The following LIMS2 variants were observed in gnomAD, a reference collection of about 807,000 sequenced individuals.
The protein encoded by LIMS2 is LIM and senescent cell antigen-like-containing domain protein 2.
LIMS2 carries 30 observed loss-of-function variants against 45.3 expected under a neutral mutation model. That is an observed-to-expected ratio of 0.66 (90% CI 0.50 to 0.90). The LOEUF is 0.90. Among genes scored for constraint, LIMS2 ranks in the 40% least tolerant of loss-of-function variants. The pLI, the probability that LIMS2 is intolerant of heterozygous loss-of-function variation, is 0.00. For missense variants in LIMS2, 485 were observed against 468.7 expected (o/e 1.03, Z -0.32); for synonymous variants, 173 against 188.0 (o/e 0.92, Z 0.65).
At chr2:127,678,682 G>A (rs187895740), upstream of LIMS2, among the ~76,000 whole-genome samples, 246 of 152,268 alleles carry the variant, frequency 1.6e-3, no homozygotes, top group African/African-American at 5.7e-3. The surrounding 1 kb of genome is among the most constrained non-coding windows in gnomAD (Gnocchi z 5.3). Flanking sequence ...TGTGGGGCAG[G>A]TGTGTGTGTG....
chr2:127,679,563 G>A (rs1685571623), upstream of LIMS2, among the ~76,000 whole-genome samples: 1 of 152,024 alleles, frequency 6.6e-6, no homozygotes, highest in African/African-American at 2.4e-5. The surrounding 1 kb of genome is among the most constrained non-coding windows in gnomAD (Gnocchi z 5.3). Context: ...GGGGTTCAGG[G>A]CAGGTGGGCA....
rs1386736264 is a variant in LIMS2, at chr2:127,638,531, C to G, written c.*750G>C. The stretch of plus-strand genomic sequence containing the variant: ...CTCCCTGGAGGTGGGAACAAGTCAC[C>G]TCTGACCACACCTCCTCTGACGCCA... On this transcript the variant is annotated 3_prime_UTR_variant, in exon 10 of 10. Coordinates refer to ENST00000355119, the MANE Select transcript of LIMS2 (RefSeq NM_001161403.3). 6.5e-6 allele frequency: 1 copy of G among 152,788 alleles called. No homozygotes were observed. The highest frequency in any genetic ancestry group is 1.5e-5 in the Non-Finnish European group (1 of 68,246). 9.5% of individuals were successfully genotyped at this position (152,788 alleles called of 1,614,324 possible). A position where few individuals can be genotyped will look rare whatever the true frequency, so the allele number is the denominator to read the frequency against.
chr2:127,640,286 A>T lies in LIMS2; in HGVS notation c.786T>A (p.His262Gln), dbSNP rs1490458058. The change falls in exon 8 of 10, where the codon CAT (histidine) becomes CAA (glutamine). Residue 262 changes from histidine to glutamine, a missense_variant. By Grantham distance (24) the His-to-Gln change is conservative (BLOSUM62 0). Transcript: ENST00000355119. ...LFGDVCYNCS[H>Q]VIEGDVVSAL... ...GGGCCTCACCATCGCCTTCAATCACATGGCTGCAGTTGTAGCAGACGTCCC... is the reference window on the plus strand; with the variant it reads ...GGGCCTCACCATCGCCTTCAATCACTTGGCTGCAGTTGTAGCAGACGTCCC... The T allele has an allele frequency of 6.2e-7, 1 of 1,613,258 alleles. No homozygotes were observed. Among genetic ancestry groups the T allele is most frequent in the Non-Finnish European group, 8.5e-7 (1 of 1,179,962 alleles).
chr2:127,639,998 G>T, intron 9 of LIMS2, 72 bp downstream of exon 9: 1 of 1,471,214 alleles, frequency 6.8e-7, no homozygotes, highest in Non-Finnish European at 9.5e-7. Context: ...GTGTGCAGGA[G>T]GGCTGCTGAG....
At chr2:127,657,635 G>A (rs1311211926) in intron 1 of LIMS2, 73 bp from the exon 2 acceptor site, 12 of 1,430,392 alleles carry the variant, frequency 8.4e-6, no homozygotes, top group African/African-American at 7.1e-5. Context: ...GGGGGCCTGC[G>A]CCCGACAGAC....
chr2:127,679,298 G>A (rs143908077), upstream of LIMS2, among the ~76,000 whole-genome samples: 8 of 152,152 alleles, frequency 5.3e-5, no homozygotes, highest in South Asian at 2.1e-4. This position sits in a 1 kb window ranked among gnomAD's most constrained non-coding sequence, Gnocchi z 5.3. Flanking sequence ...GCTCTGAAAG[G>A]GGGGGCAGAG....
intron 4 of LIMS2, chr2:127,648,254 G>C: frequency 1.1e-6 from 1 of 942,374 alleles, no homozygotes. Flanking sequence ...CAGGCATCTT[G>C]AAACACTCTG....
upstream of LIMS2, among the ~76,000 whole-genome samples, chr2:127,676,343 A>ATT (rs1685499610): frequency 1.3e-5 from 2 of 152,126 alleles, no homozygotes; most frequent in African/African-American, 2.4e-5. Flanking sequence ...ACCTGCAGAA[A>ATT]TAAGCTGGGA....
intron 6 of LIMS2, 107 bp from the exon 7 acceptor site, chr2:127,641,095 G>T: frequency 1.2e-6 from 1 of 828,494 alleles, no homozygotes; most frequent in East Asian, 2.5e-5. Flanking sequence ...GTGACTCCAG[G>T]GGACCACAGT....
In LIMS2 at chr2:127,642,933, T is replaced by C. The variant is rs768339460; in HGVS notation, c.499A>G (p.Thr167Ala). ...DAYHPDHFNC[T>A]HCGKELTAEA... Reference sequence around the variant, plus strand: ...GGGCTGCGCACCTACCCACAGTGGGTGCAGTTGAAGTGGTCAGGGTGGTAG... The same window carrying C: ...GGGCTGCGCACCTACCCACAGTGGGCGCAGTTGAAGTGGTCAGGGTGGTAG... Residue 167 changes from threonine to alanine, a missense_variant, in exon 5 of 10, where the codon ACC becomes GCC. Physicochemically the swap from Thr to Ala is moderately conservative, Grantham distance 58 (BLOSUM62 0). Coordinates refer to ENST00000355119, the MANE Select transcript of LIMS2 (RefSeq NM_001161403.3). This position sits in a 1 kb window ranked among gnomAD's most constrained non-coding sequence, Gnocchi z 5.3. 2 of 1,562,574 alleles carry C rather than the reference T, an allele frequency of 1.3e-6. No individual in the cohort carries two copies. The highest frequency in any genetic ancestry group is 1.9e-5 in the Admixed American group (1 of 52,404).
At position 127,649,091 on chromosome 2, in the gene LIMS2, G is replaced by GAAAAAAAC. The variant is rs752842992; in HGVS notation, c.359+5332_359+5333insGTTTTTTT. Among the ~76,000 whole-genome samples the GAAAAAAAC allele has an allele frequency of 9.0e-5, 12 of 133,642 alleles. No homozygotes were observed. The East Asian group carries it at 2.6e-3, about 28-fold the overall frequency. 87.7% of individuals were successfully genotyped at this position (133,642 alleles called of 152,430 possible). A position where few individuals can be genotyped will look rare whatever the true frequency, so the allele number is the denominator to read the frequency against. On this transcript the variant is annotated intron_variant, in intron 4 of 9. Coordinates refer to ENST00000355119, the MANE Select transcript of LIMS2 (RefSeq NM_001161403.3). The stretch of plus-strand genomic sequence containing the variant: ...AGGAAGGAAAAAGAAAAGAAAAAAA[G>GAAAAAAAC]AAAAAAGAAAAGAAAAAAGGAAAAT...
At chr2:127,670,629 G>T (rs960086258) in intron 1 of LIMS2, among the ~76,000 whole-genome samples, 3 of 152,228 alleles carry the variant, frequency 2.0e-5, no homozygotes, top group Admixed American at 2.0e-4. Flanking sequence ...AATAATATGT[G>T]AACTATGTCT....
At chr2:127,651,618 A>G (rs767378263) in intron 4 of LIMS2, 1 of 1,613,598 alleles carries the variant, frequency 6.2e-7, no homozygotes, top group Admixed American at 1.7e-5. Context: ...ACTCGACCCC[A>G]TCATGTATTT....
At chr2:127,650,449 C>T in intron 4 of LIMS2, 3 of 549,790 alleles carry the variant, frequency 5.5e-6, no homozygotes, top group Non-Finnish European at 9.7e-6. Context: ...TGAGGAGCCT[C>T]AGATCTCCTG....
chr2:127,649,005 G>GGGGAGGGAGGGGAGGGGAA (rs1311317437), intron 4 of LIMS2, among the ~76,000 whole-genome samples: 51 of 19,608 alleles, frequency 2.6e-3, no homozygotes, highest in South Asian at 4.4e-3. Flanking sequence ...GGGGAGGGGA[G>GGGGAGGGAGGGGAGGGGAA]GAAGGGGAGG....
rs1474487102 is a variant in LIMS2 at position 127,671,482 on chromosome 2, C to G, written c.11+3532G>C. On this transcript the variant is annotated intron_variant, in intron 1 of 9. Transcript: ENST00000355119. This position sits in a 1 kb window ranked among gnomAD's most constrained non-coding sequence, Gnocchi z 4.1. ...GCGGCACAGCACAGATAGGGACAGA[C>G]AGAAGAAGGATAACCCGCTGTGGAT... is the stretch of plus-strand genomic sequence containing the variant. Among the ~76,000 whole-genome samples, 4 of 151,812 alleles carry G rather than the reference C, an allele frequency of 2.6e-5. No individual in the cohort carries two copies. Among genetic ancestry groups the G allele is most frequent in the African/African-American group, 4.8e-5 (2 of 41,342 alleles).
chr2:127,671,839 C>T lies in LIMS2; in HGVS notation c.11+3175G>A, dbSNP rs1685283469. ...CATCACAAGCCACATCACTTGTTAC[C>T]CACTTTACAGTTTGCTTAAGCCCCT... On this transcript the variant is annotated intron_variant, in intron 1 of 9. Transcript: ENST00000355119. The surrounding 1 kb of genome is among the most constrained non-coding windows in gnomAD (Gnocchi z 4.1). Among the ~76,000 whole-genome samples the T allele has an allele frequency of 6.6e-6, 1 of 152,216 alleles. No individual in the cohort carries two copies. The highest frequency in any genetic ancestry group is 1.5e-5 in the Non-Finnish European group (1 of 68,040).
chr2:127,640,237 AGGTGG>A, intron 8 of LIMS2, 28 bp downstream of exon 8: 1 of 1,612,548 alleles, frequency 6.2e-7, no homozygotes, highest in Non-Finnish European at 8.5e-7. Flanking sequence ...CCAGGAGAGC[AGGTGG>A]GGTGGGGGAG....
chr2:127,680,193 C>G (rs767181587), upstream of LIMS2, among the ~76,000 whole-genome samples: 1 of 152,232 alleles, frequency 6.6e-6, no homozygotes, highest in African/African-American at 2.4e-5. Context: ...CCCTCCCGGG[C>G]GGCTCCCTGG....
Sources: gnomAD v4.1 joint callset for allele counts (sites outside exome capture counted in the v4.1 genomes callset) on GRCh38, gnomAD v4.1.1 for gene constraint, Gnocchi (gnomAD v3.1) non-coding constraint, MANE v1.5 for transcripts, NCBI Gene and HGNC (gene_info 2026-07-23, HGNC 2026-07-21) for gene names.